The following OPRD1 variants were observed in gnomAD, a reference collection of about 807,000 sequenced individuals.
OPRD1 encodes opioid receptor delta 1.
OPRD1 carries 19 observed loss-of-function variants against 17.5 expected under a neutral mutation model. The observed-to-expected ratio is 1.09, with a 90% confidence interval of 0.76 to 1.60. OPRD1 has a LOEUF of 1.60. OPRD1 is among the 40% of genes most tolerant of loss of function. The pLI is 0.00. For missense variants in OPRD1, 483 were observed against 547.2 expected (o/e 0.88, Z 1.17); for synonymous variants, 256 against 240.9 (o/e 1.06, Z -0.58).
At chr1:28,860,644 C>G (rs902520584) in intron 2 of OPRD1, among the ~76,000 whole-genome samples, 1 of 152,178 alleles carries the variant, frequency 6.6e-6, no homozygotes, top group Non-Finnish European at 1.5e-5. Flanking sequence ...GGACTCCTAC[C>G]TCCATTTGAC....
rs530980936 is a variant in OPRD1 at position 28,824,526 on chromosome 1, G to C, written c.227+11916G>C. On this transcript the variant is annotated intron_variant, in intron 1 of 2. Transcript: ENST00000234961. ...GTACAGACAGGGTTTCACCGTGTTA[G>C]CCAGGATGGTCTTGATCTCCTGACC... 3.3e-5 allele frequency among the ~76,000 whole-genome samples: 5 copies of C among 151,444 alleles called. No homozygotes were observed. In the East Asian group the frequency reaches 9.9e-4, roughly 30 times the overall value.
chr1:28,866,660 A>G lies in OPRD1; in HGVS notation c.*3377A>G, dbSNP rs1181275794. 2 of 152,178 alleles carry G rather than the reference A, an allele frequency of 1.3e-5. No individual in the cohort carries two copies. Among genetic ancestry groups the G allele is most frequent in the Non-Finnish European group, 2.9e-5 (2 of 68,036 alleles). The allele number at this position is 152,178 out of a possible 1,614,324, so 9.4% of individuals were successfully genotyped here. ...AGGGTCCATGTTTCCAGTTAATTCC[A>G]GGCATCAGTGAAGTAGAAAGGCCTT... is the stretch of plus-strand genomic sequence containing the variant. On this transcript the variant is annotated 3_prime_UTR_variant, in exon 3 of 3. Transcript: ENST00000234961.
At chr1:28,820,166 A>C (rs977925280) in intron 1 of OPRD1, among the ~76,000 whole-genome samples, 6 of 150,612 alleles carry the variant, frequency 4.0e-5, no homozygotes, top group Non-Finnish European at 5.9e-5. Flanking sequence ...CATTTGATTG[A>C]CATTTATCGA....
chr1:28,853,162 G>A (rs940861315), intron 1 of OPRD1, among the ~76,000 whole-genome samples: 3 of 152,236 alleles, frequency 2.0e-5, no homozygotes, highest in African/African-American at 7.2e-5. Flanking sequence ...ACTAATATCT[G>A]CTTCTCCCTG....
chr1:28,848,465 A>T (rs555133558), intron 1 of OPRD1, among the ~76,000 whole-genome samples: 54 of 152,244 alleles, frequency 3.5e-4, no homozygotes, highest in African/African-American at 1.1e-3. Context: ...CCTTCATGGC[A>T]TCTTGGTAAT....
chr1:28,859,380 C>T (rs1446682618), intron 2 of OPRD1, 77 bp downstream of exon 2: 1 of 1,291,318 alleles, frequency 7.7e-7, no homozygotes, highest in Non-Finnish European at 1.1e-6. Flanking sequence ...GCTTGCAGGG[C>T]ACTTACCAGG....
In OPRD1 at chr1:28,869,187, C is replaced by T. The variant is rs2089197940; in HGVS notation, c.*5904C>T. 6.6e-6 allele frequency: 1 copy of T among 152,350 alleles called. No individual in the cohort carries two copies. The highest frequency in any genetic ancestry group is 1.5e-5 in the Non-Finnish European group (1 of 68,126). The allele number at this position is 152,350 out of a possible 1,614,324, so 9.4% of individuals were successfully genotyped here. A position where few individuals can be genotyped will look rare whatever the true frequency, so the allele number is the denominator to read the frequency against. On this transcript the variant is annotated 3_prime_UTR_variant, in exon 3 of 3. Transcript: ENST00000234961. ...TCATCATGTATTTATTCCTTTATTT[C>T]TGGGAGCCGGGAGGAGTGACGGGAG...
At chr1:28,813,612 C>A (rs77151294) in intron 1 of OPRD1, among the ~76,000 whole-genome samples, 7,436 of 152,264 alleles carry the variant, frequency 0.049, 215 homozygotes, top group Middle Eastern at 0.099. Flanking sequence ...GATACAGCCC[C>A]ACAAGCTCAG....
intron 2 of OPRD1, among the ~76,000 whole-genome samples, chr1:28,861,340 G>A (rs777141729): frequency 3.3e-5 from 5 of 152,126 alleles, no homozygotes; most frequent in South Asian, 2.1e-4. Context: ...CACACTCCAG[G>A]AATGGGGAGC....
rs925886421 is a variant in OPRD1, at chr1:28,867,620, G to T, written c.*4337G>T. On this transcript the variant is annotated 3_prime_UTR_variant, in exon 3 of 3. Coordinates refer to ENST00000234961, the MANE Select transcript of OPRD1 (RefSeq NM_000911.4). ...GCCTCCCAAAGTACTGGGTTTACAG[G>T]TGTGAGCCACTGTGCCCAGCTCTCA... is the stretch of plus-strand genomic sequence containing the variant. 17 of 152,256 alleles carry T rather than the reference G, an allele frequency of 1.1e-4. No homozygotes were observed. The highest frequency in any genetic ancestry group is 3.6e-4 in the African/African-American group (15 of 41,402). 9.4% of individuals were successfully genotyped at this position (152,256 alleles called of 1,614,324 possible).
At chr1:28,823,387 G>A (rs2318773) in intron 1 of OPRD1, among the ~76,000 whole-genome samples, 55,404 of 140,460 alleles carry the variant, frequency 0.39, 11,965 homozygotes, top group African/African-American at 0.62. Flanking sequence ...TTATTTGTTT[G>A]TTTATTTATT....
At chr1:28,858,290 A>G (rs2089077281) in intron 1 of OPRD1, among the ~76,000 whole-genome samples, 3 of 135,692 alleles carry the variant, frequency 2.2e-5, no homozygotes, top group Admixed American at 7.6e-5. Flanking sequence ...TTTTTTTTGT[A>G]TTTTTAGTAG....
At chr1:28,824,313 C>CTT (rs58074384) in intron 1 of OPRD1, among the ~76,000 whole-genome samples, 25 of 109,798 alleles carry the variant, frequency 2.3e-4, no homozygotes, top group South Asian at 9.0e-4. Context: ...TTTCTTTTTT[C>CTT]TTTTTTTTTT....
chr1:28,836,151 G>C (rs755235818), intron 1 of OPRD1, among the ~76,000 whole-genome samples: 2 of 152,220 alleles, frequency 1.3e-5, no homozygotes, highest in Non-Finnish European at 2.9e-5. Context: ...TGCCTGGTGA[G>C]ATGGTTAGCC....
In OPRD1 at chr1:28,859,040, A is replaced by G; in HGVS notation, c.314A>G (p.Gln105Arg). The G allele has an allele frequency of 1.2e-6, 2 of 1,614,202 alleles. No individual in the cohort carries two copies. The highest frequency in any genetic ancestry group is 2.2e-5 in the East Asian group (1 of 44,894). ...CTGGCCACCAGCACGCTGCCTTTCC[A>G]GAGTGCCAAGTACCTGATGGAGACG... ...DALATSTLPF[Q>R]SAKYLMETWP... The change falls in exon 2 of 3, where the codon CAG (glutamine) becomes CGG (arginine). Residue 105 changes from glutamine to arginine, a missense_variant. Transcript: ENST00000234961.
chr1:28,822,196 G>C (rs1031580830), intron 1 of OPRD1, among the ~76,000 whole-genome samples: 1 of 151,930 alleles, frequency 6.6e-6, no homozygotes. Flanking sequence ...TGATCCGCCC[G>C]ACTCGTCCTC....
rs988135918 is a variant in OPRD1 at position 28,865,700 on chromosome 1, C to T, written c.*2417C>T. ...GGTCCCAAGCCACCTAGATCACTCTCACTACCTTGTGACCACAGAGACCCC... is the reference window on the plus strand; with the variant it reads ...GGTCCCAAGCCACCTAGATCACTCTTACTACCTTGTGACCACAGAGACCCC... On this transcript the variant is annotated 3_prime_UTR_variant, in exon 3 of 3. Coordinates refer to ENST00000234961, the MANE Select transcript of OPRD1 (RefSeq NM_000911.4). 9.2e-5 allele frequency: 14 copies of T among 152,272 alleles called. No individual in the cohort carries two copies. The highest frequency in any genetic ancestry group is 3.4e-4 in the African/African-American group (14 of 41,460). The allele number at this position is 152,272 out of a possible 1,614,324, so 9.4% of individuals were successfully genotyped here. A position where few individuals can be genotyped will look rare whatever the true frequency, so the allele number is the denominator to read the frequency against.
chr1:28,846,846 T>TTTCTTTCTTTCTTTCTTTCTTTTC (rs769212543), intron 1 of OPRD1, among the ~76,000 whole-genome samples: 87 of 76,904 alleles, frequency 1.1e-3, no homozygotes, highest in East Asian at 4.1e-3. Flanking sequence ...TCTTTCTTTC[T>TTTCTTTCTTTCTTTCTTTCTTTTC]TTTCTTTCTT....
At chr1:28,861,393 C>T (rs994662805) in intron 2 of OPRD1, among the ~76,000 whole-genome samples, 5 of 152,134 alleles carry the variant, frequency 3.3e-5, no homozygotes, top group African/African-American at 1.2e-4. Context: ...GAAGGAAGTC[C>T]TTGAGTTAAG....
Sources: allele counts gnomAD v4.1 joint callset (sites outside exome capture counted in the v4.1 genomes callset), GRCh38; gene constraint gnomAD v4.1.1; transcripts MANE v1.5; gene names NCBI Gene and HGNC (gene_info 2026-07-23, HGNC 2026-07-21).